The following THADA variants were observed in gnomAD, a reference collection of about 807,000 sequenced individuals.
The protein encoded by THADA is tRNA (32-2'-O)-methyltransferase regulator THADA.
A neutral mutation model predicts 219.8 loss-of-function variants in THADA; 213 were observed. That is an observed-to-expected ratio of 0.97 (90% CI 0.87 to 1.09). THADA has a LOEUF of 1.09. Among genes scored for constraint, THADA ranks in the 50% least tolerant of loss-of-function variants. THADA has a pLI of 0.00. For synonymous variants in THADA, 1,018 were observed against 828.9 expected, an observed-to-expected ratio of 1.23 and a Z score of -3.92; for missense variants, 2,956 against 2,311.3, an observed-to-expected ratio of 1.28 and a Z score of -5.72.
chr2:43,583,837 G>C (rs1255722939), intron 7 of THADA, among the ~76,000 whole-genome samples: 1 of 152,024 alleles, frequency 6.6e-6, no homozygotes, highest in Non-Finnish European at 1.5e-5. Context: ...GCGCTTAAGA[G>C]TTTGAAACCA....
chr2:43,512,485 T>C (rs1446874739), intron 22 of THADA, among the ~76,000 whole-genome samples: 1 of 152,194 alleles, frequency 6.6e-6, no homozygotes, highest in Non-Finnish European at 1.5e-5. Context: ...ACTTACAAGT[T>C]TTTTGTTTGT....
At chr2:43,374,784 T>C (rs1671189996) in intron 29 of THADA, among the ~76,000 whole-genome samples, 1 of 152,044 alleles carries the variant, frequency 6.6e-6, no homozygotes, top group Non-Finnish European at 1.5e-5. Context: ...CAATAAAAGG[T>C]AGGCGACTAT....
At chr2:43,297,665 C>T (rs1675664851) in intron 31 of THADA, among the ~76,000 whole-genome samples, 1 of 108,218 alleles carries the variant, frequency 9.2e-6, no homozygotes, top group South Asian at 3.0e-4. Flanking sequence ...GCCCAGCCAC[C>T]CCTACTGGGA....
intron 26 of THADA, among the ~76,000 whole-genome samples, chr2:43,451,833 TCA>T (rs1332367043): frequency 6.6e-6 from 1 of 152,182 alleles, no homozygotes; most frequent in African/African-American, 2.4e-5. Context: ...CAGGCTGGGC[TCA>T]GTGGCTCACG....
chr2:43,287,704 A>G (rs1255576134), intron 34 of THADA, among the ~76,000 whole-genome samples: 1 of 152,122 alleles, frequency 6.6e-6, no homozygotes, highest in African/African-American at 2.4e-5. Context: ...ATAACAACTT[A>G]TTGTCACCAA....
rs564196093 is a variant in THADA at position 43,512,275 on chromosome 2, C to T, written c.3375-3495G>A. On this transcript the variant is annotated intron_variant, in intron 22 of 37. Coordinates refer to ENST00000405975, the MANE Select transcript of THADA (RefSeq NM_022065.5). ...TTCCCCAGCATCAAACCAGCTTTTA[C>T]GCAGAATTCTTTACTTATCTGGTTT... Among the ~76,000 whole-genome samples, 148 of 152,236 alleles carry T rather than the reference C, an allele frequency of 9.7e-4. 1 individual carries two copies. The highest frequency in any genetic ancestry group is 3.5e-3 in the African/African-American group (144 of 41,548).
At chr2:43,284,961 C>A (rs181160713) in intron 35 of THADA, among the ~76,000 whole-genome samples, 110 of 152,274 alleles carry the variant, frequency 7.2e-4, no homozygotes, top group Admixed American at 4.7e-3. Context: ...GCATGGGGCC[C>A]GTAGACCCTT....
At chr2:43,392,168 T>C (rs1307672439) in intron 29 of THADA, among the ~76,000 whole-genome samples, 1 of 152,232 alleles carries the variant, frequency 6.6e-6, no homozygotes. Flanking sequence ...GACCGTTTTA[T>C]GTTTCACAAT....
intron 29 of THADA, among the ~76,000 whole-genome samples, chr2:43,374,348 C>G (rs984583416): frequency 6.6e-6 from 1 of 152,182 alleles, no homozygotes; most frequent in Non-Finnish European, 1.5e-5. Flanking sequence ...GGATCTGCCA[C>G]TTTCTAGCTA....
In THADA at chr2:43,290,046, G is replaced by A. The variant is rs571623795; in HGVS notation, c.5010+1650C>T. Among the ~76,000 whole-genome samples the A allele has an allele frequency of 7.3e-4, 104 of 141,680 alleles. 1 individual carries two copies. The highest frequency in any genetic ancestry group is 2.7e-3 in the African/African-American group (103 of 37,962). 92.9% of individuals were successfully genotyped at this position (141,680 alleles called of 152,430 possible). Reference sequence around the variant, plus strand: ...GCTGGAGTGCAGTGGCATGATCTCAGATCACTGCAATCTCTGCCTCCTGGG... The same window carrying A: ...GCTGGAGTGCAGTGGCATGATCTCAAATCACTGCAATCTCTGCCTCCTGGG... On this transcript the variant is annotated intron_variant, in intron 34 of 37. Coordinates refer to ENST00000405975, the MANE Select transcript of THADA (RefSeq NM_022065.5).
At chr2:43,246,351 C>G (rs1261038841) in intron 36 of THADA, among the ~76,000 whole-genome samples, 1 of 152,006 alleles carries the variant, frequency 6.6e-6, no homozygotes. Context: ...AAAAATTAGC[C>G]GGGCACGGTG....
intron 15 of THADA, chr2:43,564,276 C>G (rs1009433009): frequency 3.9e-5 from 6 of 152,268 alleles, no homozygotes; most frequent in Non-Finnish European, 8.8e-5. Context: ...CTTAAAACCA[C>G]AGAAACCTAT....
chr2:43,482,430 C>T (rs1686342425), intron 26 of THADA, among the ~76,000 whole-genome samples: 1 of 152,084 alleles, frequency 6.6e-6, no homozygotes, highest in Non-Finnish European at 1.5e-5. Flanking sequence ...ACCAAACTTA[C>T]AATTCCAGTA....
At chr2:43,537,340 T>A (rs1415836772) in intron 21 of THADA, among the ~76,000 whole-genome samples, 3 of 152,208 alleles carry the variant, frequency 2.0e-5, no homozygotes, top group African/African-American at 7.2e-5. Context: ...CCCTTTGACG[T>A]CACAGAACCA....
chr2:43,342,643 C>G (rs539562062), intron 30 of THADA, among the ~76,000 whole-genome samples: 1 of 152,230 alleles, frequency 6.6e-6, no homozygotes, highest in Non-Finnish European at 1.5e-5. Flanking sequence ...TCAGCCCTCT[C>G]TCACCCCTCT....
intron 15 of THADA, among the ~76,000 whole-genome samples, chr2:43,561,016 CAAAAAAAAAAAA>C (rs3042329): frequency 4.3e-5 from 4 of 92,370 alleles, no homozygotes; most frequent in East Asian, 3.5e-4. Flanking sequence ...GACTTGGTCT[CAAAAAAAAAAAA>C]AAAAAAAAAA....
chr2:43,451,783 G>C (rs1164589639), intron 26 of THADA, among the ~76,000 whole-genome samples: 1 of 152,168 alleles, frequency 6.6e-6, no homozygotes, highest in Non-Finnish European at 1.5e-5. Context: ...AGTTCAAACA[G>C]TACTACATTT....
At chr2:43,590,397 G>A (rs1247782594) in intron 4 of THADA, among the ~76,000 whole-genome samples, 1 of 152,062 alleles carries the variant, frequency 6.6e-6, no homozygotes, top group Non-Finnish European at 1.5e-5. Flanking sequence ...TTGTAACTAG[G>A]CTGGGCGCAG....
intron 25 of THADA, among the ~76,000 whole-genome samples, chr2:43,486,830 A>G (rs1558839921): frequency 6.6e-6 from 1 of 152,196 alleles, no homozygotes; most frequent in Non-Finnish European, 1.5e-5. Context: ...AAATGCTGGC[A>G]GGAAATTAAA....
Sources: allele counts gnomAD v4.1 joint callset (sites outside exome capture counted in the v4.1 genomes callset), GRCh38; gene constraint gnomAD v4.1.1; transcripts MANE v1.5; gene names NCBI Gene and HGNC (gene_info 2026-07-23, HGNC 2026-07-21).